Variants in ADCK1 observed in about 807,000 individuals in gnomAD.
ADCK1 encodes the protein aarF domain containing kinase 1.
A neutral mutation model predicts 52.3 loss-of-function variants in ADCK1; 41 were observed. The observed-to-expected ratio is 0.78, with a 90% confidence interval of 0.61 to 1.02. The LOEUF is 1.02. Ranked by LOEUF, ADCK1 falls within the 50% of genes least tolerant of loss-of-function variation. The pLI, the probability that ADCK1 is intolerant of heterozygous loss-of-function variation, is 0.00. For synonymous variants in ADCK1, 250 were observed against 274.6 expected, an observed-to-expected ratio of 0.91 and a Z score of 0.89; for missense variants, 658 against 679.5, an observed-to-expected ratio of 0.97 and a Z score of 0.35.
intron 3 of ADCK1, among the ~76,000 whole-genome samples, chr14:77,847,161 G>A (rs1484540709): frequency 6.6e-6 from 1 of 152,196 alleles, no homozygotes. Flanking sequence ...GGGGGCAGGG[G>A]ATGGCACAGG....
At chr14:77,834,474 C>T (rs2081921057) in intron 3 of ADCK1, among the ~76,000 whole-genome samples, 1 of 152,234 alleles carries the variant, frequency 6.6e-6, no homozygotes. Flanking sequence ...TCCGGCTCTT[C>T]TCTTTTCCTA....
At chr14:77,878,178 G>T (rs1407873293) in intron 4 of ADCK1, among the ~76,000 whole-genome samples, 2 of 152,232 alleles carry the variant, frequency 1.3e-5, no homozygotes, top group African/African-American at 4.8e-5. Context: ...ACCCACTTTG[G>T]ATTTACTCCT....
rs1056588102 is a variant in ADCK1, at chr14:77,860,730, G to A, written c.423+1451G>A. Among the ~76,000 whole-genome samples, 8 of 152,136 alleles carry A rather than the reference G, an allele frequency of 5.3e-5. No individual in the cohort carries two copies. In the East Asian group the frequency reaches 1.2e-3, roughly 22 times the overall value. ...GAGGGGACTGAATTGGCATAGTGCTGGCCCACTCATGGCTTTGCCTCTTGC... is the reference window on the plus strand; with the variant it reads ...GAGGGGACTGAATTGGCATAGTGCTAGCCCACTCATGGCTTTGCCTCTTGC... On this transcript the variant is annotated intron_variant, in intron 4 of 10. Coordinates refer to ENST00000238561, the MANE Select transcript of ADCK1 (RefSeq NM_020421.4).
intron 4 of ADCK1, among the ~76,000 whole-genome samples, chr14:77,880,110 G>C (rs1299160638): frequency 6.6e-6 from 1 of 152,182 alleles, no homozygotes; most frequent in African/African-American, 2.4e-5. Flanking sequence ...ACGTGTCTCA[G>C]AGTGCGCACA....
At chr14:77,812,630 A>C (rs12883228) in intron 1 of ADCK1, among the ~76,000 whole-genome samples, 101,115 of 151,920 alleles carry the variant, frequency 0.67, 33,773 homozygotes, top group South Asian at 0.77. Flanking sequence ...CATTCTTTTG[A>C]CCAGGCTGGA....
At chr14:77,886,008 A>C (rs1358748827) in intron 4 of ADCK1, among the ~76,000 whole-genome samples, 1 of 152,180 alleles carries the variant, frequency 6.6e-6, no homozygotes, top group Non-Finnish European at 1.5e-5. Context: ...AAGAAGAAGG[A>C]AGAGTGAGGA....
intron 3 of ADCK1, among the ~76,000 whole-genome samples, chr14:77,840,618 G>A (rs576216630): frequency 1.3e-5 from 2 of 152,160 alleles, no homozygotes; most frequent in African/African-American, 4.8e-5. Flanking sequence ...GAGGCTGAGG[G>A]GAGTGGTTCA....
chr14:77,822,084 C>T (rs760275907), intron 2 of ADCK1, among the ~76,000 whole-genome samples: 7 of 152,046 alleles, frequency 4.6e-5, no homozygotes, highest in Non-Finnish European at 5.9e-5. Context: ...GACAAGCCCC[C>T]GTGCTTCTAG....
intron 4 of ADCK1, among the ~76,000 whole-genome samples, chr14:77,883,433 G>A (rs2083078524): frequency 6.6e-6 from 1 of 152,098 alleles, no homozygotes; most frequent in South Asian, 2.1e-4. Context: ...TCGGGACAGG[G>A]TCTATTTTTC....
At chr14:77,805,093 C>G (rs76099037) in intron 1 of ADCK1, among the ~76,000 whole-genome samples, 3 of 150,702 alleles carry the variant, frequency 2.0e-5, no homozygotes, top group Non-Finnish European at 4.4e-5. Context: ...GCAATCCCAG[C>G]TACTTGGGAG....
chr14:77,889,670 A>G lies in ADCK1; in HGVS notation c.582+2421A>G, dbSNP rs578066891. ...GAGCCTGGGAAATGGAAGTTCTTAT[A>G]AGAGTAAGGGGATCGGGATGCCTCT... On this transcript the variant is annotated intron_variant, in intron 5 of 10. Transcript: ENST00000238561. Among the ~76,000 whole-genome samples, 6 of 152,346 alleles carry G rather than the reference A, an allele frequency of 3.9e-5. 1 individual carries two copies. In the South Asian group the frequency reaches 1.2e-3, roughly 32 times the overall value.
intron 9 of ADCK1, among the ~76,000 whole-genome samples, chr14:77,930,558 G>A (rs988958398): frequency 2.0e-5 from 3 of 152,284 alleles, no homozygotes; most frequent in Admixed American, 1.3e-4. Context: ...GTGAGGAGGT[G>A]TGGTATTGCC....
Position 77,831,289 on chromosome 14 carries a change from C to A in ADCK1, c.219+8771C>A, listed in dbSNP as rs10140921. On this transcript the variant is annotated intron_variant, in intron 3 of 10. Transcript: ENST00000238561. ...CTTAATCTGATTGGTGATTATCTCT[C>A]CCACAAGGAGTGAAGGAGTGGGACA... Among the ~76,000 whole-genome samples, 734 of 152,246 alleles carry A rather than the reference C, an allele frequency of 4.8e-3. 6 individuals are homozygous for A. Among genetic ancestry groups the A allele is most frequent in the African/African-American group, 0.016 (685 of 41,552 alleles).
intron 4 of ADCK1, among the ~76,000 whole-genome samples, chr14:77,859,699 GA>G (rs2082502130): frequency 6.6e-6 from 1 of 152,136 alleles, no homozygotes; most frequent in African/African-American, 2.4e-5. Flanking sequence ...CAAGAGCTTG[GA>G]CCTTGCACAA....
intron 8 of ADCK1, 60 bp from the exon 9 acceptor site, chr14:77,925,704 G>A: frequency 6.4e-7 from 1 of 1,560,506 alleles, no homozygotes. Flanking sequence ...ATCAGCCAGG[G>A]ACTTGGGCCT....
chr14:77,875,126 A>T (rs1333459634), intron 4 of ADCK1, among the ~76,000 whole-genome samples: 1 of 152,134 alleles, frequency 6.6e-6, no homozygotes, highest in Non-Finnish European at 1.5e-5. Flanking sequence ...TGGGGCAGTT[A>T]TGGTCATCCA....
At chr14:77,820,547 GTCTTAA>G (rs1291284848) in intron 2 of ADCK1, among the ~76,000 whole-genome samples, 2 of 151,574 alleles carry the variant, frequency 1.3e-5, no homozygotes, top group Non-Finnish European at 2.9e-5. Flanking sequence ...GCCCAGGATT[GTCTTAA>G]ACTCCTGGGC....
At chr14:77,913,839 C>G (rs1322308292) in intron 7 of ADCK1, among the ~76,000 whole-genome samples, 1 of 152,022 alleles carries the variant, frequency 6.6e-6, no homozygotes, top group East Asian at 1.9e-4. Flanking sequence ...CCTGGCTGTC[C>G]CAGAGACGTG....
intron 10 of ADCK1, 139 bp from the exon 11 acceptor site, chr14:77,933,081 C>T (rs759594820): frequency 1.3e-6 from 1 of 761,734 alleles, no homozygotes; most frequent in South Asian, 1.9e-5. Flanking sequence ...TAGTATGATC[C>T]TGTATCCAAG....
Sources: allele counts gnomAD v4.1 joint callset (sites outside exome capture counted in the v4.1 genomes callset), GRCh38; gene constraint gnomAD v4.1.1; transcripts MANE v1.5; gene names NCBI Gene and HGNC (gene_info 2026-07-23, HGNC 2026-07-21).